ADAMTS2: variants seen among roughly 807,000 people sequenced by gnomAD.
ADAMTS2 encodes the protein A disintegrin and metalloproteinase with thrombospondin motifs 2.
A neutral mutation model predicts 123.0 loss-of-function variants in ADAMTS2; 50 were observed. The observed-to-expected ratio is 0.41, with a 90% CI of 0.32 to 0.51. ADAMTS2 has a LOEUF of 0.51. Among genes scored for constraint, ADAMTS2 ranks in the 20% least tolerant of loss-of-function variants. The pLI, the probability that ADAMTS2 is intolerant of heterozygous loss-of-function variation, is 0.35. For synonymous variants in ADAMTS2, 678 were observed against 695.4 expected, an observed-to-expected ratio of 0.98 and a Z score of 0.39; for missense variants, 1,494 against 1,705.2, an observed-to-expected ratio of 0.88 and a Z score of 2.18.
rs1290037292 is a variant in ADAMTS2 at position 179,201,241 on chromosome 5, A to C, written c.891+6272T>G. Among the ~76,000 whole-genome samples the C allele has an allele frequency of 2.0e-5, 3 of 152,210 alleles. No homozygotes were observed. The East Asian group carries it at 5.8e-4, about 29-fold the overall frequency. On this transcript the variant is annotated intron_variant, in intron 4 of 21. Coordinates refer to ENST00000251582, the MANE Select transcript of ADAMTS2 (RefSeq NM_014244.5). ...CCAGAGACTTCGCTTTCAGCAACTC[A>C]GCTTAAGGAAATAAGTAAGCACGAG...
At chr5:179,273,175 C>T in intron 2 of ADAMTS2, 111 bp from the exon 3 acceptor site, 1 of 1,516,476 alleles carries the variant, frequency 6.6e-7, no homozygotes, top group Non-Finnish European at 9.1e-7. Flanking sequence ...CCCTGCCCAG[C>T]ACCCCAGCTG....
At chr5:179,279,346 A>G (rs773361282) in intron 2 of ADAMTS2, among the ~76,000 whole-genome samples, 3 of 152,196 alleles carry the variant, frequency 2.0e-5, no homozygotes, top group Admixed American at 6.5e-5. Flanking sequence ...ATACACACAC[A>G]GCACGCACCT....
Position 179,132,295 on chromosome 5 carries a change from A to G in ADAMTS2, c.2225T>C (p.Phe742Ser), listed in dbSNP as rs776781930. ...GTGTCTGGCTCCTGCAGGGATCTCA[A>G]ACATCTTGATGTAACCTTTTTTTGA... ...SPKKHGYIKMFEIPAGARHLL... is the reference protein window; with the variant it reads ...SPKKHGYIKMSEIPAGARHLL... The change falls in exon 15 of 22, where the codon TTT becomes TCT. Residue 742 changes from phenylalanine (F) to serine (S), a missense_variant. Coordinates refer to ENST00000251582, the MANE Select transcript of ADAMTS2 (RefSeq NM_014244.5). This position sits in a 1 kb window ranked among gnomAD's most constrained non-coding sequence, Gnocchi z 6.1. 2 of 1,614,034 alleles carry G rather than the reference A, an allele frequency of 1.2e-6. No individual in the cohort carries two copies. Among genetic ancestry groups the G allele is most frequent in the Non-Finnish European group, 1.7e-6 (2 of 1,180,024 alleles).
rs867790276 is a variant in ADAMTS2, at chr5:179,332,707, G to A, written c.534+11060C>T. Among the ~76,000 whole-genome samples the A allele has an allele frequency of 2.6e-5, 4 of 151,898 alleles. No homozygotes were observed. The South Asian group carries it at 8.3e-4, about 32-fold the overall frequency. On this transcript the variant is annotated intron_variant, in intron 2 of 21. Coordinates refer to ENST00000251582, the MANE Select transcript of ADAMTS2 (RefSeq NM_014244.5). The surrounding 1 kb of genome is among the most constrained non-coding windows in gnomAD (Gnocchi z 4.2). ...TGCAGAGAGGGGAGGGCAGAGGGGAGGGAGGGAGGGGATGGGAGAGGAAGG... is the reference window on the plus strand; with the variant it reads ...TGCAGAGAGGGGAGGGCAGAGGGGAAGGAGGGAGGGGATGGGAGAGGAAGG...
At chr5:179,287,848 C>T (rs747804021) in intron 2 of ADAMTS2, among the ~76,000 whole-genome samples, 2 of 152,204 alleles carry the variant, frequency 1.3e-5, no homozygotes, top group Non-Finnish European at 2.9e-5. Context: ...ACGGACGTCC[C>T]CCTTAGAAGC....
At chr5:179,166,827 C>T (rs1013089952) in intron 5 of ADAMTS2, among the ~76,000 whole-genome samples, 19 of 152,230 alleles carry the variant, frequency 1.2e-4, no homozygotes, top group Non-Finnish European at 1.2e-4. Flanking sequence ...CCCTGGCCCA[C>T]GCCTGCCCTC....
At chr5:179,329,134 T>A (rs796994146) in intron 2 of ADAMTS2, among the ~76,000 whole-genome samples, 25 of 152,120 alleles carry the variant, frequency 1.6e-4, no homozygotes, top group Middle Eastern at 6.8e-3. Flanking sequence ...GAGACCATCC[T>A]GGCTAACACG....
intron 3 of ADAMTS2, among the ~76,000 whole-genome samples, chr5:179,240,736 T>C (rs1765647084): frequency 6.6e-6 from 1 of 151,548 alleles, no homozygotes; most frequent in Admixed American, 6.6e-5. Context: ...GATCTTGCTG[T>C]TTGGGGGAGG....
chr5:179,336,956 T>A (rs572601673), intron 2 of ADAMTS2, among the ~76,000 whole-genome samples: 32 of 152,214 alleles, frequency 2.1e-4, no homozygotes, highest in African/African-American at 7.7e-4. Flanking sequence ...GACACTAGGG[T>A]TCCCTGTGCC....
intron 3 of ADAMTS2, among the ~76,000 whole-genome samples, chr5:179,270,775 C>T (rs985983862): frequency 3.3e-5 from 5 of 152,044 alleles, no homozygotes; most frequent in African/African-American, 1.2e-4. Flanking sequence ...CACGTGGGAA[C>T]GATTAGGTGC....
chr5:179,141,938 G>A (rs1212013381), intron 10 of ADAMTS2, among the ~76,000 whole-genome samples: 3 of 152,058 alleles, frequency 2.0e-5, no homozygotes, highest in Non-Finnish European at 4.4e-5. Flanking sequence ...GAGGTTCCAT[G>A]TTGAAAGGGG....
intron 2 of ADAMTS2, 96 bp from the exon 3 acceptor site, chr5:179,273,160 G>C (rs555613615): frequency 6.4e-7 from 1 of 1,567,712 alleles, no homozygotes; most frequent in African/African-American, 1.3e-5. Flanking sequence ...CCTCCCACCT[G>C]AAGACCCTGC....
At chr5:179,218,251 T>A (rs879664180) in intron 3 of ADAMTS2, among the ~76,000 whole-genome samples, 2 of 152,182 alleles carry the variant, frequency 1.3e-5, no homozygotes, top group Admixed American at 1.3e-4. Context: ...TCCTCCAACA[T>A]GAGGAGCCCC....
intron 4 of ADAMTS2, 147 bp downstream of exon 4, chr5:179,207,366 G>C (rs1005827516): frequency 3.5e-5 from 29 of 822,330 alleles, no homozygotes; most frequent in Non-Finnish European, 5.3e-5. Flanking sequence ...GACCCAGCAA[G>C]CCTCCCTGAG....
chr5:179,323,205 G>A (rs572068628), intron 2 of ADAMTS2, among the ~76,000 whole-genome samples: 93 of 152,322 alleles, frequency 6.1e-4, no homozygotes, highest in African/African-American at 1.7e-3. Flanking sequence ...AAATCCATCC[G>A]TGGTCCCCCT....
intron 5 of ADAMTS2, among the ~76,000 whole-genome samples, chr5:179,168,747 G>A (rs1223322969): frequency 1.3e-5 from 2 of 152,288 alleles, no homozygotes; most frequent in African/African-American, 2.4e-5. Flanking sequence ...CACCATCCCT[G>A]CTCTGTGAGC....
At chr5:179,311,919 A>T (rs1756844796) in intron 2 of ADAMTS2, among the ~76,000 whole-genome samples, 1 of 152,202 alleles carries the variant, frequency 6.6e-6, no homozygotes, top group Non-Finnish European at 1.5e-5. Context: ...AGTATCATTG[A>T]ATCATTTTTC....
intron 3 of ADAMTS2, among the ~76,000 whole-genome samples, chr5:179,257,587 A>G (rs6869555): frequency 0.047 from 7,113 of 152,312 alleles, 531 homozygotes; most frequent in African/African-American, 0.16. Context: ...CTGATGCGCT[A>G]CAGATGGGCT....
chr5:179,146,636 G>A (rs1763254201), intron 10 of ADAMTS2, among the ~76,000 whole-genome samples: 1 of 152,174 alleles, frequency 6.6e-6, no homozygotes, highest in South Asian at 2.1e-4. Flanking sequence ...AACGCTCCAA[G>A]GCCTGTTAAC....
Sources: allele counts gnomAD v4.1 joint callset (sites outside exome capture counted in the v4.1 genomes callset), GRCh38; gene constraint gnomAD v4.1.1; non-coding constraint Gnocchi (gnomAD v3.1); transcripts MANE v1.5; gene names NCBI Gene and HGNC (gene_info 2026-07-23, HGNC 2026-07-21).